The following TMPRSS11F variants were observed in gnomAD, a reference collection of about 807,000 sequenced individuals.
TMPRSS11F encodes the protein transmembrane serine protease 11F.
In TMPRSS11F, 47 loss-of-function variants were observed where a neutral mutation model predicts 60.2. That is an observed-to-expected ratio of 0.78 (90% CI 0.62 to 1.00). The LOEUF is 1.00. Ranked by LOEUF, TMPRSS11F falls within the 50% of genes least tolerant of loss-of-function variation. TMPRSS11F has a pLI of 0.00. For missense variants in TMPRSS11F, 519 were observed against 522.9 expected, an observed-to-expected ratio of 0.99 and a Z score of 0.07; for synonymous variants, 166 against 167.3, an observed-to-expected ratio of 0.99 and a Z score of 0.06.
intron 1 of TMPRSS11F, among the ~76,000 whole-genome samples, chr4:68,102,285 G>A (rs1167959356): frequency 6.6e-6 from 1 of 152,158 alleles, no homozygotes; most frequent in Non-Finnish European, 1.5e-5. Context: ...GAATATGGGA[G>A]TGCAGATATC....
chr4:68,087,469 C>A (rs192767343), intron 3 of TMPRSS11F, among the ~76,000 whole-genome samples: 12 of 152,148 alleles, frequency 7.9e-5, no homozygotes, highest in Non-Finnish European at 2.9e-5. Flanking sequence ...GGATGCCACT[C>A]TCTCCACTCC....
Position 68,053,935 on chromosome 4 carries a change from A to C in TMPRSS11F, c.1291T>G (p.Trp431Gly). The C allele has an allele frequency of 6.2e-7, 1 of 1,613,540 alleles. No homozygotes were observed. Among genetic ancestry groups the C allele is most frequent in the Non-Finnish European group, 8.5e-7 (1 of 1,179,558 alleles). The change falls in exon 10 of 10, where the codon TGG (tryptophan) becomes GGG (glycine). Residue 431 changes from tryptophan to glycine, a missense_variant. Trp to Gly is a radical substitution (Grantham distance 184). Coordinates refer to ENST00000356291, the MANE Select transcript of TMPRSS11F (RefSeq NM_207407.2). ...TACATACCAGTCTTTGAGGCAATCC[A>C]ATCTCGATACTTAGTTACTCTGGTG... ...VYTRVTKYRDWIASKTGM is the reference protein window; with the variant it reads ...VYTRVTKYRDGIASKTGM
At position 68,077,227 on chromosome 4, in the gene TMPRSS11F, T is replaced by A. The variant is rs185581543; in HGVS notation, c.283-3218A>T. 201 of 152,404 alleles carry A rather than the reference T, an allele frequency of 1.3e-3. 2 individuals are homozygous for A. Among genetic ancestry groups the A allele is most frequent in the African/African-American group, 4.6e-3 (192 of 41,576 alleles). The allele number at this position is 152,404 out of a possible 1,614,324, so 9.4% of individuals were successfully genotyped here. A position where few individuals can be genotyped will look rare whatever the true frequency, so the allele number is the denominator to read the frequency against. On this transcript the variant is annotated intron_variant, in intron 3 of 9. Transcript: ENST00000356291. ...GAGCCCCACTCCTGGGAAAAGTCCC[T>A]AGTCCAACCTCCCCAAGTATTGATA...
intron 1 of TMPRSS11F, among the ~76,000 whole-genome samples, chr4:68,119,908 C>T (rs1260572172): frequency 2.0e-5 from 3 of 152,034 alleles, no homozygotes; most frequent in Non-Finnish European, 4.4e-5. Context: ...AAAGGATTTA[C>T]CATTCTAGAT....
intron 8 of TMPRSS11F, among the ~76,000 whole-genome samples, chr4:68,059,990 A>G (rs1367007488): frequency 6.6e-5 from 10 of 152,150 alleles, no homozygotes; most frequent in African/African-American, 2.4e-4. Context: ...TCTGATGACA[A>G]CACAGAACAG....
At chr4:68,125,817 C>A (rs1275374720) in intron 1 of TMPRSS11F, among the ~76,000 whole-genome samples, 2 of 152,092 alleles carry the variant, frequency 1.3e-5, no homozygotes, top group African/African-American at 4.8e-5. Context: ...GTTAAGAGGT[C>A]CTGCTTAGAT....
At chr4:68,113,934 T>G (rs954901011) in intron 1 of TMPRSS11F, among the ~76,000 whole-genome samples, 1 of 152,118 alleles carries the variant, frequency 6.6e-6, no homozygotes, top group Non-Finnish European at 1.5e-5. Flanking sequence ...AGTATGTTCT[T>G]CGATTTTAAA....
intron 2 of TMPRSS11F, among the ~76,000 whole-genome samples, chr4:68,093,780 C>G (rs1461970589): frequency 6.6e-6 from 1 of 151,218 alleles, no homozygotes; most frequent in Non-Finnish European, 1.5e-5. Flanking sequence ...TTTATGCAGC[C>G]AAAAAACACA....
At chr4:68,059,718 C>T (rs10461304) in intron 8 of TMPRSS11F, among the ~76,000 whole-genome samples, 33,918 of 151,946 alleles carry the variant, frequency 0.22, 4,225 homozygotes, top group Admixed American at 0.37. Context: ...ATACTACATA[C>T]GCATGCATTT....
At chr4:68,120,501 G>C (rs1484626128) in intron 1 of TMPRSS11F, among the ~76,000 whole-genome samples, 10 of 149,012 alleles carry the variant, frequency 6.7e-5, no homozygotes, top group African/African-American at 2.5e-4. Flanking sequence ...CCATTCTCCT[G>C]CCTCAGCCTC....
intron 1 of TMPRSS11F, among the ~76,000 whole-genome samples, chr4:68,116,919 A>G (rs1310247033): frequency 6.6e-6 from 1 of 152,214 alleles, no homozygotes; most frequent in African/African-American, 2.4e-5. Flanking sequence ...AAGCTTCTAG[A>G]TATTAGACTT....
intron 8 of TMPRSS11F, chr4:68,063,064 T>TC (rs1723233708): frequency 3.1e-6 from 2 of 654,800 alleles, no homozygotes; most frequent in Non-Finnish European, 5.9e-6. Flanking sequence ...TGTGAATTGT[T>TC]CCTTGTACTG....
chr4:68,111,133 C>T (rs1358418342), intron 1 of TMPRSS11F, among the ~76,000 whole-genome samples: 1 of 152,066 alleles, frequency 6.6e-6, no homozygotes, highest in East Asian at 1.9e-4. Context: ...CAGTACTGTT[C>T]CCCCAAAACA....
chr4:68,072,366 T>C lies in TMPRSS11F; in HGVS notation c.471A>G (p.Lys157=). The C allele has an allele frequency of 6.2e-7, 1 of 1,604,998 alleles. No homozygotes were observed. Among genetic ancestry groups the C allele is most frequent in the Non-Finnish European group, 8.5e-7 (1 of 1,175,190 alleles). The part of the protein sequence containing the change: ...EKALYQSLKT[K]QLSLTINKPS... ...GTTTGTTTATGGTCAAAGACAATTGTTTGGTCTTCAAACTTTGATATAAAG... is the reference window on the plus strand; with the variant it reads ...GTTTGTTTATGGTCAAAGACAATTGCTTGGTCTTCAAACTTTGATATAAAG... The change falls in exon 5 of 10, where the codon AAA becomes AAG. Residue 157 remains lysine (K), a synonymous_variant. Coordinates refer to ENST00000356291, the MANE Select transcript of TMPRSS11F (RefSeq NM_207407.2).
chr4:68,117,690 G>C (rs976281909), intron 1 of TMPRSS11F, among the ~76,000 whole-genome samples: 2 of 152,022 alleles, frequency 1.3e-5, no homozygotes, highest in South Asian at 2.1e-4. Flanking sequence ...AATCCTTTGG[G>C]CTAGGGTTGG....
rs373571510 is a variant in TMPRSS11F at position 68,070,026 on chromosome 4, G to A, written c.515-19C>T. 1.7e-4 allele frequency: 269 copies of A among 1,600,694 alleles called. No homozygotes were observed. The highest frequency in any genetic ancestry group is 2.1e-4 in the Non-Finnish European group (249 of 1,172,688). On this transcript the variant is annotated intron_variant, in intron 5 of 9. Transcript: ENST00000356291. ...TCAATAGCTGGAATAAGCAAAACAT[G>A]AATTAGTTGGCAGAAGAATATATTC...
At chr4:68,068,142 C>T (rs1723368329) in intron 7 of TMPRSS11F, among the ~76,000 whole-genome samples, 1 of 152,122 alleles carries the variant, frequency 6.6e-6, no homozygotes, top group African/African-American at 2.4e-5. Flanking sequence ...CTGGACCATA[C>T]AGGCCTGCAG....
chr4:68,089,167 C>A (rs1206878707), intron 3 of TMPRSS11F, among the ~76,000 whole-genome samples: 1 of 152,058 alleles, frequency 6.6e-6, no homozygotes, highest in African/African-American at 2.4e-5. Flanking sequence ...AAATGATTTT[C>A]GATTTAAAGT....
intron 3 of TMPRSS11F, among the ~76,000 whole-genome samples, chr4:68,079,551 T>G (rs1002354789): frequency 1.3e-5 from 2 of 152,202 alleles, no homozygotes; most frequent in Admixed American, 6.5e-5. Context: ...CTCAGATACC[T>G]AATGATTGTT....
Sources: allele counts gnomAD v4.1 joint callset (sites outside exome capture counted in the v4.1 genomes callset), GRCh38; gene constraint gnomAD v4.1.1; transcripts MANE v1.5; gene names NCBI Gene and HGNC (gene_info 2026-07-23, HGNC 2026-07-21).